Variants in HGD observed in about 807,000 individuals in gnomAD.
HGD encodes the protein homogentisate oxidase.
In HGD, 61 loss-of-function variants were observed where a neutral mutation model predicts 60.8. The ratio of observed to expected loss-of-function variants is 1.00; its 90% CI spans 0.82 to 1.24. The LOEUF is 1.24. HGD is among the 50% of genes most tolerant of loss of function. The pLI, the probability that HGD is intolerant of heterozygous loss-of-function variation, is 0.00. For synonymous variants in HGD, 212 were observed against 187.7 expected, an observed-to-expected ratio of 1.13 and a Z score of -1.06; for missense variants, 542 against 547.1, an observed-to-expected ratio of 0.99 and a Z score of 0.09.
At chr3:120,638,666 GT>G (rs1442814979) in intron 11 of HGD, 85 bp from the exon 12 acceptor site, 2 of 1,451,276 alleles carry the variant, frequency 1.4e-6, no homozygotes, top group Non-Finnish European at 1.9e-6. Context: ...ACATGAAGGT[GT>G]TTGCAAGTGA....
Position 120,655,938 on chromosome 3 carries a change from G to A in HGD, c.283-3287C>T, listed in dbSNP as rs568443509. The stretch of plus-strand genomic sequence containing the variant: ...CTGAAAGAAGTAAAGGATGCTTGCT[G>A]ACTGATTTAGTCCTTGATATGCACT... On this transcript the variant is annotated intron_variant, in intron 4 of 13. Transcript: ENST00000283871. Among the ~76,000 whole-genome samples, 3 of 152,218 alleles carry A rather than the reference G, an allele frequency of 2.0e-5. No individual in the cohort carries two copies. The South Asian group carries it at 6.2e-4, about 31-fold the overall frequency.
Position 120,671,349 on chromosome 3 carries a change from G to A in HGD, c.177-817C>T, listed in dbSNP as rs1576315966. 3.3e-5 allele frequency among the ~76,000 whole-genome samples: 5 copies of A among 152,180 alleles called. No individual in the cohort carries two copies. The South Asian group carries it at 1.0e-3, about 32-fold the overall frequency. On this transcript the variant is annotated intron_variant, in intron 3 of 13. Transcript: ENST00000283871. ...TTTTATTTTGTATTTCCTTTATTAT[G>A]AATTAGAAAATACAAAATATTTCCA...
rs141965690 is a variant in HGD, at chr3:120,670,488, T to A, written c.221A>T (p.Glu74Val). 4.0e-4 allele frequency: 642 copies of A among 1,611,162 alleles called. 1 individual carries two copies. The East Asian group carries it at 8.9e-3, about 22-fold the overall frequency. Residue 74 changes from glutamate (E) to valine (V), a missense_variant, in exon 4 of 14, where the codon GAA becomes GTA. Physicochemically the swap from Glu to Val is moderately radical, Grantham distance 121 (BLOSUM62 -2). Around this residue, in one of 2 missense-constraint regions of HGD, gnomAD observed 537 missense variants for 529.1 expected, o/e 1.01. Coordinates refer to ENST00000283871, the MANE Select transcript of HGD (RefSeq NM_000187.4). ...ILPSVSHKPF[E>V]SIDEGQVTHN... ...AGTGACTTGGCCTTCGTCAATGGATTCAAAGGGCTTGTGAGAAACTGAAGG... is the reference window on the plus strand; with the variant it reads ...AGTGACTTGGCCTTCGTCAATGGATACAAAGGGCTTGTGAGAAACTGAAGG...
At chr3:120,658,611 C>T (rs2103421) in intron 4 of HGD, among the ~76,000 whole-genome samples, 1 of 152,184 alleles carries the variant, frequency 6.6e-6, no homozygotes, top group African/African-American at 2.4e-5. Context: ...AATGGTAGCC[C>T]TCTTCTCATA....
chr3:120,667,370 C>T (rs1358889546), intron 4 of HGD, among the ~76,000 whole-genome samples: 1 of 140,916 alleles, frequency 7.1e-6, no homozygotes, highest in Non-Finnish European at 1.5e-5. Context: ...TAGAAAAATT[C>T]TATTAGAACA....
intron 13 of HGD, among the ~76,000 whole-genome samples, chr3:120,629,381 AC>A (rs1940514797): frequency 6.6e-6 from 1 of 152,192 alleles, no homozygotes. Flanking sequence ...TTGTGCTACA[AC>A]CCAAAGCACC....
At chr3:120,663,021 G>A (rs1707814036) in intron 4 of HGD, among the ~76,000 whole-genome samples, 1 of 152,166 alleles carries the variant, frequency 6.6e-6, no homozygotes, top group Non-Finnish European at 1.5e-5. Context: ...ACAAGTCAAT[G>A]AGAGAGGCCT....
At chr3:120,650,986 T>C in intron 5 of HGD, 121 bp from the exon 6 acceptor site, 1 of 808,918 alleles carries the variant, frequency 1.2e-6, no homozygotes, top group Admixed American at 1.7e-5. Context: ...TTGGGACCGG[T>C]GGGACGTTTG....
Position 120,628,398 on chromosome 3 carries a change from G to A in HGD, c.1320C>T (p.Asn440=). Residue 440 remains asparagine (N), a synonymous_variant, in exon 14 of 14, where the codon AAC becomes AAT. Transcript: ENST00000283871. Reference sequence around the variant, plus strand: ...TCCAGTCTCAATTAGGTTCTGCTGGGTTCCTGGAGTTGGGAGTGAAGTGGC... The same window carrying A: ...TCCAGTCTCAATTAGGTTCTGCTGGATTCCTGGAGTTGGGAGTGAAGTGGC... The part of the protein sequence containing the change: ...LKSHFTPNSR[N]PAEPN 1 of 1,613,962 alleles carries A rather than the reference G, an allele frequency of 6.2e-7. No homozygotes were observed. The highest frequency in any genetic ancestry group is 8.5e-7 in the Non-Finnish European group (1 of 1,179,954).
chr3:120,678,574 C>A (rs1439317927), intron 1 of HGD, among the ~76,000 whole-genome samples: 1 of 152,152 alleles, frequency 6.6e-6, no homozygotes, highest in Non-Finnish European at 1.5e-5. Flanking sequence ...TTGATTCAGA[C>A]TGTGCTTTAA....
intron 4 of HGD, among the ~76,000 whole-genome samples, chr3:120,656,490 T>C (rs1418994910): frequency 4.6e-5 from 7 of 152,016 alleles, no homozygotes; most frequent in African/African-American, 1.7e-4. Context: ...AATGACTGAA[T>C]AGATGAATAA....
intron 4 of HGD, among the ~76,000 whole-genome samples, chr3:120,657,282 G>T (rs1941526957): frequency 6.6e-6 from 1 of 152,172 alleles, no homozygotes; most frequent in South Asian, 2.1e-4. Context: ...ATTACCAAAG[G>T]AGGAAGACAG....
At chr3:120,659,896 G>T (rs953897864) in intron 4 of HGD, among the ~76,000 whole-genome samples, 1 of 145,738 alleles carries the variant, frequency 6.9e-6, no homozygotes, top group Non-Finnish European at 1.5e-5. Flanking sequence ...AGAAGGCAAA[G>T]ATATGATGGG....
At chr3:120,646,911 G>A (rs1274264807) in intron 8 of HGD, 62 bp downstream of exon 8, 2 of 1,290,864 alleles carry the variant, frequency 1.5e-6, no homozygotes, top group Non-Finnish European at 2.3e-6. Context: ...AGCAGCAGCT[G>A]AAACATCTGA....
chr3:120,680,651 C>A (rs1039517361), intron 1 of HGD, among the ~76,000 whole-genome samples: 1 of 152,200 alleles, frequency 6.6e-6, no homozygotes, highest in African/African-American at 2.4e-5. Context: ...GACATCATGA[C>A]CCTCAGTTCT....
chr3:120,636,293 A>G (rs910855878), intron 12 of HGD, among the ~76,000 whole-genome samples: 5 of 151,864 alleles, frequency 3.3e-5, no homozygotes, highest in Admixed American at 3.3e-4. Flanking sequence ...AAAAAAAAAA[A>G]AGGCAGATTC....
intron 4 of HGD, among the ~76,000 whole-genome samples, chr3:120,663,251 C>G (rs146271631): frequency 1.2e-3 from 179 of 152,108 alleles, no homozygotes; most frequent in African/African-American, 4.2e-3. Context: ...TAAGTACTTC[C>G]CCTTCTCTCA....
Position 120,663,509 on chromosome 3 carries a change from G to A in HGD, c.282+6918C>T, listed in dbSNP as rs547525112. On this transcript the variant is annotated intron_variant, in intron 4 of 13. Coordinates refer to ENST00000283871, the MANE Select transcript of HGD (RefSeq NM_000187.4). ...GACTACCTCCCACCAGGTCCCTCCC[G>A]TAACACGTGGGAATTCAAGATGAGA... Among the ~76,000 whole-genome samples the A allele has an allele frequency of 3.3e-5, 5 of 152,272 alleles. No individual in the cohort carries two copies. In the South Asian group the frequency reaches 6.2e-4, roughly 19 times the overall value.
At chr3:120,676,886 C>T (rs946893176) in intron 1 of HGD, among the ~76,000 whole-genome samples, 10 of 152,134 alleles carry the variant, frequency 6.6e-5, no homozygotes, top group Admixed American at 1.3e-4. Flanking sequence ...GGACTCCAAA[C>T]GGAGGGATCA....
Sources: gnomAD v4.1 joint callset for allele counts (sites outside exome capture counted in the v4.1 genomes callset) on GRCh38, gnomAD v4.1.1 for gene constraint, gnomAD v4.1.1 regional missense constraint, MANE v1.5 for transcripts, NCBI Gene and HGNC (gene_info 2026-07-23, HGNC 2026-07-21) for gene names.